Variants in TAPT1 observed in about 807,000 individuals in gnomAD.
The protein encoded by TAPT1 is transmembrane anterior posterior transformation 1.
A neutral mutation model predicts 65.6 loss-of-function variants in TAPT1; 28 were observed. The observed-to-expected ratio is 0.43, with a 90% CI of 0.32 to 0.59. The LOEUF (loss-of-function observed/expected upper bound fraction) is 0.59. Among genes scored for constraint, TAPT1 ranks in the 20% least tolerant of loss-of-function variants. The pLI is 0.09. For synonymous variants in TAPT1, 278 were observed against 245.2 expected (o/e 1.13, Z -1.25); for missense variants, 563 against 679.9 (o/e 0.83, Z 1.91).
chr4:16,214,136 T>C (rs1192475179), intron 1 of TAPT1, among the ~76,000 whole-genome samples: 1 of 152,206 alleles, frequency 6.6e-6, no homozygotes, highest in Non-Finnish European at 1.5e-5. Context: ...TATTAAGGGC[T>C]AGAATAGTCA....
At chr4:16,198,933 A>G (rs907447243) in intron 3 of TAPT1, among the ~76,000 whole-genome samples, 9 of 152,204 alleles carry the variant, frequency 5.9e-5, no homozygotes, top group Non-Finnish European at 1.2e-4. Context: ...AATAATGCTC[A>G]AAGAGATATT....
At chr4:16,208,504 T>C (rs985399078) in intron 2 of TAPT1, among the ~76,000 whole-genome samples, 3 of 152,194 alleles carry the variant, frequency 2.0e-5, no homozygotes, top group African/African-American at 7.2e-5. Context: ...GTCAAAAAAG[T>C]GGCAATGCCC....
In TAPT1 at chr4:16,162,931, G is replaced by A; in HGVS notation, c.*377C>T. 1 of 440,978 alleles carries A rather than the reference G, an allele frequency of 2.3e-6. No homozygotes were observed. 27.3% of individuals were successfully genotyped at this position (440,978 alleles called of 1,614,324 possible). A position where few individuals can be genotyped will look rare whatever the true frequency, so the allele number is the denominator to read the frequency against. The stretch of plus-strand genomic sequence containing the variant: ...ATTACGTCGTGGTAAAAGTTTCACA[G>A]TTTTCCAGGTATTTCCTTATACTGA... On this transcript the variant is annotated 3_prime_UTR_variant, in exon 14 of 14. Transcript: ENST00000405303.
chr4:16,169,520 A>G (rs1258257023), intron 12 of TAPT1, among the ~76,000 whole-genome samples: 1 of 152,270 alleles, frequency 6.6e-6, no homozygotes, highest in African/African-American at 2.4e-5. Flanking sequence ...AAAGAGTTAC[A>G]TTAATGTAGT....
chr4:16,222,973 C>T (rs1751342443), intron 1 of TAPT1, among the ~76,000 whole-genome samples: 1 of 152,174 alleles, frequency 6.6e-6, no homozygotes, highest in African/African-American at 2.4e-5. Context: ...TCTCCAACAC[C>T]TGCATTACAC....
At chr4:16,179,833 T>C (rs1485898162) in intron 7 of TAPT1, among the ~76,000 whole-genome samples, 176 bp from the exon 8 acceptor site, 1 of 151,644 alleles carries the variant, frequency 6.6e-6, no homozygotes, top group Non-Finnish European at 1.5e-5. Context: ...TGTGTATATA[T>C]AGGCTGGTGC....
chr4:16,176,368 C>G, intron 8 of TAPT1, 140 bp from the exon 9 acceptor site: 1 of 557,902 alleles, frequency 1.8e-6, no homozygotes, highest in South Asian at 2.4e-5. Context: ...CAATTATAAC[C>G]TTTATCAAAA....
chr4:16,198,661 G>A (rs182015901), intron 3 of TAPT1, among the ~76,000 whole-genome samples: 389 of 152,180 alleles, frequency 2.6e-3, no homozygotes, highest in Non-Finnish European at 3.0e-3. Flanking sequence ...CTGAAGGAAA[G>A]AGCACTTTTT....
chr4:16,204,774 G>C (rs1750245657), intron 2 of TAPT1, among the ~76,000 whole-genome samples: 1 of 152,230 alleles, frequency 6.6e-6, no homozygotes, highest in Non-Finnish European at 1.5e-5. Context: ...GGCAGAGCCA[G>C]GACTTCACTC....
chr4:16,218,360 G>A (rs975339448), intron 1 of TAPT1, among the ~76,000 whole-genome samples: 3 of 152,240 alleles, frequency 2.0e-5, no homozygotes, highest in Non-Finnish European at 2.9e-5. Context: ...AGCCGAGATC[G>A]TGTACTGTAC....
In TAPT1 at chr4:16,176,173, G is replaced by T. The variant is rs774354099; in HGVS notation, c.1053C>A (p.Ala351=). Residue 351 remains alanine, a synonymous_variant, in exon 9 of 14, where the codon GCC becomes GCA. Transcript: ENST00000405303. ...TAAAGGCATGTTTTACAATATCCACGGCAATTTCTGATGCAATTACCATAC... is the reference window on the plus strand; with the variant it reads ...TAAAGGCATGTTTTACAATATCCACTGCAATTTCTGATGCAATTACCATAC... ...DVCMVIASEI[A]VDIVKHAFIT... is the part of the protein sequence containing the mutation. 3.2e-6 allele frequency: 5 copies of T among 1,577,138 alleles called. No homozygotes were observed. The highest frequency in any genetic ancestry group is 3.4e-6 in the Non-Finnish European group (4 of 1,160,240).
chr4:16,185,727 C>A (rs147728696), intron 7 of TAPT1, among the ~76,000 whole-genome samples: 2 of 152,182 alleles, frequency 1.3e-5, no homozygotes, highest in African/African-American at 4.8e-5. Context: ...GTCTGACAAG[C>A]GCTGCTTTGG....
At chr4:16,196,140 T>C (rs1430400847) in intron 3 of TAPT1, among the ~76,000 whole-genome samples, 1 of 152,210 alleles carries the variant, frequency 6.6e-6, no homozygotes, top group Non-Finnish European at 1.5e-5. Flanking sequence ...TGGAATAAAG[T>C]AGTGAAATCA....
At chr4:16,220,502 A>C (rs1020509428) in intron 1 of TAPT1, among the ~76,000 whole-genome samples, 1 of 152,180 alleles carries the variant, frequency 6.6e-6, no homozygotes, top group Non-Finnish European at 1.5e-5. Flanking sequence ...TTAAAAATAG[A>C]CACTTTGGGA....
Position 16,176,176 on chromosome 4 carries a change from A to C in TAPT1, c.1050T>G (p.Ile350Met). 1 of 1,579,830 alleles carries C rather than the reference A, an allele frequency of 6.3e-7. No individual in the cohort carries two copies. Among genetic ancestry groups the C allele is most frequent in the Non-Finnish European group, 8.6e-7 (1 of 1,161,714 alleles). Reference sequence around the variant, plus strand: ...AGGCATGTTTTACAATATCCACGGCAATTTCTGATGCAATTACCATACAGA... The same window carrying C: ...AGGCATGTTTTACAATATCCACGGCCATTTCTGATGCAATTACCATACAGA... ...PDVCMVIASEIAVDIVKHAFI... is the reference protein window; with the variant it reads ...PDVCMVIASEMAVDIVKHAFI... Residue 350 changes from isoleucine (I) to methionine (M), a missense_variant, in exon 9 of 14, where the codon ATT (isoleucine) becomes ATG (methionine). By Grantham distance (10) the Ile-to-Met change is conservative. Around this residue, in one of 5 missense-constraint regions of TAPT1, gnomAD observed 104 missense variants for 102.5 expected, o/e 1.01. Transcript: ENST00000405303.
intron 2 of TAPT1, among the ~76,000 whole-genome samples, chr4:16,212,038 C>T (rs574605337): frequency 1.3e-5 from 2 of 152,314 alleles, no homozygotes; most frequent in African/African-American, 4.8e-5. Flanking sequence ...GTGAAACCAG[C>T]CTGTCTCTGC....
Position 16,221,687 on chromosome 4 carries a change from T to C in TAPT1, c.199+4572A>G, listed in dbSNP as rs376782637. 7.2e-5 allele frequency among the ~76,000 whole-genome samples: 11 copies of C among 152,218 alleles called. No individual in the cohort carries two copies. In the East Asian group the frequency reaches 7.7e-4, roughly 11 times the overall value. On this transcript the variant is annotated intron_variant, in intron 1 of 13. Transcript: ENST00000405303. ...TAAATATATCTTTCTTAAAATAGCATTGAGCATTTAAAAATTTGGAAAGTA... is the reference window on the plus strand; with the variant it reads ...TAAATATATCTTTCTTAAAATAGCACTGAGCATTTAAAAATTTGGAAAGTA...
chr4:16,222,829 A>T (rs994463182), intron 1 of TAPT1, among the ~76,000 whole-genome samples: 5 of 152,188 alleles, frequency 3.3e-5, no homozygotes, highest in African/African-American at 1.2e-4. Context: ...AATAAGTTGA[A>T]GTTTTAGAAG....
chr4:16,204,494 A>G (rs1750225303), intron 2 of TAPT1, among the ~76,000 whole-genome samples: 1 of 152,278 alleles, frequency 6.6e-6, no homozygotes, highest in Admixed American at 6.5e-5. Context: ...TTTCAAAATA[A>G]TCTTTTGCTT....
Sources: gnomAD v4.1 joint callset for allele counts (sites outside exome capture counted in the v4.1 genomes callset) on GRCh38, gnomAD v4.1.1 for gene constraint, gnomAD v4.1.1 regional missense constraint, MANE v1.5 for transcripts, NCBI Gene and HGNC (gene_info 2026-07-23, HGNC 2026-07-21) for gene names.